CMTM8: variants seen among roughly 807,000 people sequenced by gnomAD.
CMTM8 encodes the protein CKLF like MARVEL transmembrane domain containing 8.
In CMTM8, 12 loss-of-function variants were observed where a neutral mutation model predicts 18.6. That is an observed-to-expected ratio of 0.65 (90% CI 0.41 to 1.05). CMTM8 has a LOEUF of 1.05. Among genes scored for constraint, CMTM8 ranks in the 50% least tolerant of loss-of-function variants. CMTM8 has a pLI of 0.00. For missense variants in CMTM8, 217 were observed against 227.2 expected (o/e 0.95, Z 0.29); for synonymous variants, 87 against 90.6 (o/e 0.96, Z 0.23).
rs945972368 is a variant in CMTM8, at chr3:32,239,131, C to T, written c.147+12C>T. 1.9e-6 allele frequency: 3 copies of T among 1,590,760 alleles called. No homozygotes were observed. Among genetic ancestry groups the T allele is most frequent in the Non-Finnish European group, 1.7e-6 (2 of 1,169,314 alleles). ...TCGTGGCCGAGATCGTGAGTGCCGACGGGCCGGGGGTGGCGGGGGGCTCAG... is the reference window on the plus strand; with the variant it reads ...TCGTGGCCGAGATCGTGAGTGCCGATGGGCCGGGGGTGGCGGGGGGCTCAG... On this transcript the variant is annotated intron_variant, in intron 1 of 3. Coordinates refer to ENST00000307526, the MANE Select transcript of CMTM8 (RefSeq NM_178868.5).
intron 1 of CMTM8, among the ~76,000 whole-genome samples, chr3:32,321,337 G>A (rs1696046784): frequency 6.6e-6 from 1 of 152,082 alleles, no homozygotes; most frequent in South Asian, 2.1e-4. Flanking sequence ...CATTCACCCG[G>A]GTGTGCACGT....
At chr3:32,369,746 C>T (rs1695612475) in intron 3 of CMTM8, 138 bp from the exon 4 acceptor site, 1 of 489,666 alleles carries the variant, frequency 2.0e-6, no homozygotes, top group Non-Finnish European at 3.8e-6. Flanking sequence ...GTAATTGAAC[C>T]AATAAAGTAG....
chr3:32,298,943 A>ATG (rs1695550442), intron 1 of CMTM8, among the ~76,000 whole-genome samples: 1 of 130,974 alleles, frequency 7.6e-6, no homozygotes, highest in Non-Finnish European at 1.6e-5. Flanking sequence ...ATATATATGT[A>ATG]TATATATATA....
chr3:32,259,994 C>T lies in CMTM8; in HGVS notation c.147+20875C>T. The T allele has an allele frequency of 9.0e-6, 10 of 1,110,882 alleles. No individual in the cohort carries two copies. In the South Asian group the frequency reaches 1.3e-4, roughly 14 times the overall value. The allele number at this position is 1,110,882 out of a possible 1,614,324, so 68.8% of individuals were successfully genotyped here. A position where few individuals can be genotyped will look rare whatever the true frequency, so the allele number is the denominator to read the frequency against. On this transcript the variant is annotated intron_variant, in intron 1 of 3. Coordinates refer to ENST00000307526, the MANE Select transcript of CMTM8 (RefSeq NM_178868.5). ...CCTGGAGTCAGAGCTGGCACTGACC[C>T]AGGCAGAGGGACAGCACCAGGCCCA...
At position 32,361,286 on chromosome 3, in the gene CMTM8, G is replaced by GTTTGTTTTTTTTTTTTTTTTTTT. The variant is rs140270969; in HGVS notation, c.321+3743_321+3744insGTTTTTTTTTTTTTTTTTTTTTT. The stretch of plus-strand genomic sequence containing the variant: ...GTGAGCCACGGCGCCCAGCCTAAGA[G>GTTTGTTTTTTTTTTTTTTTTTTT]TTTTTTTTTCTTTCAAATTTTGGAA... On this transcript the variant is annotated intron_variant, in intron 2 of 3. Transcript: ENST00000307526. Among the ~76,000 whole-genome samples the GTTTGTTTTTTTTTTTTTTTTTTT allele has an allele frequency of 9.0e-4, 78 of 87,146 alleles. 2 individuals carry two copies. Among genetic ancestry groups the GTTTGTTTTTTTTTTTTTTTTTTT allele is most frequent in the South Asian group, 1.8e-3 (4 of 2,196 alleles). 57.2% of individuals were successfully genotyped at this position (87,146 alleles called of 152,430 possible). A position where few individuals can be genotyped will look rare whatever the true frequency, so the allele number is the denominator to read the frequency against.
chr3:32,252,115 C>T (rs11712328), intron 1 of CMTM8, among the ~76,000 whole-genome samples: 20,820 of 151,950 alleles, frequency 0.14, 1,452 homozygotes, highest in Middle Eastern at 0.19. Context: ...AAAAATTTAC[C>T]GTCTTAAATT....
intron 1 of CMTM8, among the ~76,000 whole-genome samples, chr3:32,288,717 T>G (rs34403201): frequency 0.23 from 34,808 of 152,098 alleles, 4,218 homozygotes; most frequent in Non-Finnish European, 0.27. Flanking sequence ...AGCCAGGATG[T>G]TCTCGATCTC....
intron 1 of CMTM8, among the ~76,000 whole-genome samples, chr3:32,260,959 T>G (rs993468252): frequency 1.1e-4 from 17 of 152,168 alleles, no homozygotes; most frequent in Admixed American, 9.8e-4. Context: ...CAGTGGCTCA[T>G]GCCTGTAACC....
chr3:32,357,361 A>G lies in CMTM8; in HGVS notation c.148-12A>G. ...GTCCCCTCCTCTCTCCACTGCTTCT[A>G]CCACTTTACAGGTTCTGGGGCTGCT... On this transcript the variant is annotated splice_polypyrimidine_tract_variant and intron_variant, in intron 1 of 3. Transcript: ENST00000307526. 1 of 1,610,854 alleles carries G rather than the reference A, an allele frequency of 6.2e-7. No individual in the cohort carries two copies. The highest frequency in any genetic ancestry group is 8.5e-7 in the Non-Finnish European group (1 of 1,178,444).
At chr3:32,300,974 AAT>A (rs1491542329) in intron 1 of CMTM8, among the ~76,000 whole-genome samples, 24 of 149,312 alleles carry the variant, frequency 1.6e-4, no homozygotes, top group East Asian at 7.7e-4. Context: ...AAAAAAAAAA[AAT>A]CTTTTAATTT....
chr3:32,310,883 C>T (rs1695806684), intron 1 of CMTM8, among the ~76,000 whole-genome samples: 1 of 152,140 alleles, frequency 6.6e-6, no homozygotes, highest in Admixed American at 6.5e-5. Flanking sequence ...GCTTTTCTTT[C>T]TGGACATTTT....
In CMTM8 at chr3:32,315,540, G is replaced by A. The variant is rs181808761; in HGVS notation, c.148-41833G>A. Among the ~76,000 whole-genome samples, 90 of 152,336 alleles carry A rather than the reference G, an allele frequency of 5.9e-4. 1 individual carries two copies. The highest frequency in any genetic ancestry group is 1.5e-3 in the Admixed American group (23 of 15,304). ...AGGCATCACTGGCCAGGTGCTCAGC[G>A]AAGGCACCCACAGTGGGATCCCTGG... On this transcript the variant is annotated intron_variant, in intron 1 of 3. Transcript: ENST00000307526.
chr3:32,318,120 A>T (rs1695966788), intron 1 of CMTM8, among the ~76,000 whole-genome samples: 1 of 151,788 alleles, frequency 6.6e-6, no homozygotes, highest in African/African-American at 2.4e-5. Context: ...CCAAATGCAA[A>T]TGTGTTAAAT....
At chr3:32,289,691 C>T (rs1285173442) in intron 1 of CMTM8, among the ~76,000 whole-genome samples, 1 of 152,214 alleles carries the variant, frequency 6.6e-6, no homozygotes, top group East Asian at 1.9e-4. Context: ...CCCAAACCTC[C>T]AGCAAATACC....
At chr3:32,314,938 A>G (rs1216208943) in intron 1 of CMTM8, among the ~76,000 whole-genome samples, 3 of 151,132 alleles carry the variant, frequency 2.0e-5, no homozygotes, top group Non-Finnish European at 4.4e-5. Context: ...TTTGCGTTCT[A>G]GTGAACATAG....
At chr3:32,292,794 A>G (rs1702802845) in intron 1 of CMTM8, among the ~76,000 whole-genome samples, 4 of 152,098 alleles carry the variant, frequency 2.6e-5, no homozygotes, top group Admixed American at 2.6e-4. Context: ...CATGGTGATC[A>G]AAAATGTCTC....
intron 1 of CMTM8, among the ~76,000 whole-genome samples, chr3:32,246,871 G>A (rs1262858754): frequency 1.3e-5 from 2 of 152,188 alleles, no homozygotes; most frequent in African/African-American, 4.8e-5. Context: ...GGAGGCTGAG[G>A]CAGGAGGATC....
At chr3:32,260,306 T>C (rs1323616551) in intron 1 of CMTM8, 7 of 694,332 alleles carry the variant, frequency 1.0e-5, no homozygotes, top group Non-Finnish European at 1.2e-5. Context: ...AAAAAAAGTA[T>C]TATCTCGCTA....
At chr3:32,354,812 A>C (rs564711825) in intron 1 of CMTM8, among the ~76,000 whole-genome samples, 14 of 152,232 alleles carry the variant, frequency 9.2e-5, no homozygotes, top group Non-Finnish European at 1.6e-4. Context: ...CTGATCCAAC[A>C]GAATGTCAAA....
Sources: allele counts gnomAD v4.1 joint callset (sites outside exome capture counted in the v4.1 genomes callset), GRCh38; gene constraint gnomAD v4.1.1; transcripts MANE v1.5; gene names NCBI Gene and HGNC (gene_info 2026-07-23, HGNC 2026-07-21).